The following MFN2 variants were observed in gnomAD, a reference collection of about 807,000 sequenced individuals.
MFN2 encodes the protein mitofusin-2.
In MFN2, 43 loss-of-function variants were observed where a neutral mutation model predicts 87.5. The ratio of observed to expected loss-of-function variants is 0.49; its 90% CI spans 0.38 to 0.63. The LOEUF (loss-of-function observed/expected upper bound fraction) is 0.63. Among genes scored for constraint, MFN2 ranks in the 30% least tolerant of loss-of-function variants. The pLI is 0.00. For missense variants in MFN2, 743 were observed against 972.8 expected (o/e 0.76, Z 3.14); for synonymous variants, 337 against 359.9 (o/e 0.94, Z 0.72).
intron 18 of MFN2, among the ~76,000 whole-genome samples, chr1:12,010,901 TC>T (rs1311434530): frequency 6.6e-6 from 1 of 152,106 alleles, no homozygotes; most frequent in African/African-American, 2.4e-5. Context: ...ACCCTGCACT[TC>T]CTGCCCTCGC....
At chr1:11,995,626 C>T (rs1452395696) in intron 4 of MFN2, among the ~76,000 whole-genome samples, 2 of 151,882 alleles carry the variant, frequency 1.3e-5, no homozygotes, top group Non-Finnish European at 2.9e-5. Context: ...GAGTGAGACT[C>T]TGTCTCAAAT....
At chr1:11,990,903 G>A (rs1638646623) in intron 3 of MFN2, among the ~76,000 whole-genome samples, 1 of 152,192 alleles carries the variant, frequency 6.6e-6, no homozygotes, top group Non-Finnish European at 1.5e-5. Context: ...TGTTGACTTG[G>A]TCATTTCCTT....
intron 4 of MFN2, among the ~76,000 whole-genome samples, chr1:11,992,927 C>G (rs975127951): frequency 4.6e-5 from 7 of 150,732 alleles, no homozygotes; most frequent in Non-Finnish European, 8.8e-5. Context: ...CCTGAGCCTC[C>G]TGAGCAGCTG....
chr1:12,004,783 T>C lies in MFN2; in HGVS notation c.1393-42T>C. On this transcript the variant is annotated intron_variant, in intron 13 of 18. Transcript: ENST00000235329. This position sits in a 1 kb window ranked among gnomAD's most constrained non-coding sequence, Gnocchi z 4.2. ...TGGTGGATGTGGCCTGAAGGGAATTTTGATGGACATGCTTCTCTTAACTTC... is the reference window on the plus strand; with the variant it reads ...TGGTGGATGTGGCCTGAAGGGAATTCTGATGGACATGCTTCTCTTAACTTC... The C allele has an allele frequency of 1.3e-6, 2 of 1,595,910 alleles. No individual in the cohort carries two copies. Among genetic ancestry groups the C allele is most frequent in the Non-Finnish European group, 1.7e-6 (2 of 1,164,712 alleles).
chr1:11,983,255 T>C (rs1157602923), intron 2 of MFN2, among the ~76,000 whole-genome samples: 3 of 152,146 alleles, frequency 2.0e-5, no homozygotes, highest in Non-Finnish European at 4.4e-5. Flanking sequence ...GTAGTTTTAG[T>C]AGAGATGGGG....
At position 12,006,667 on chromosome 1, in the gene MFN2, A is replaced by T. The variant is rs753132224; in HGVS notation, c.1846A>T (p.Met616Leu). 1 of 1,553,486 alleles carries T rather than the reference A, an allele frequency of 6.4e-7. No individual in the cohort carries two copies. The highest frequency in any genetic ancestry group is 8.7e-7 in the Non-Finnish European group (1 of 1,142,868). Residue 616 changes from methionine (M) to leucine (L), a missense_variant, in exon 16 of 19, where the codon ATG becomes TTG. By Grantham distance (15) the Met-to-Leu change is conservative. Around this residue, in one of 3 missense-constraint regions of MFN2, gnomAD observed 571 missense variants for 670.7 expected, o/e 0.85. Transcript: ENST00000235329. ...GLASLTSRTSMGILVVGGVVW... is the reference protein window; with the variant it reads ...GLASLTSRTSLGILVVGGVVW... ...GGCCTCCTTGACATCCAGGACCTCC[A>T]TGGGCATTCTTGTTGTTGGAGGAGT... is the stretch of plus-strand genomic sequence containing the variant.
At position 12,012,356 on chromosome 1, in the gene MFN2, G is replaced by A. The variant is rs1210703540; in HGVS notation, c.*791G>A. 1.3e-5 allele frequency: 2 copies of A among 152,418 alleles called. No homozygotes were observed. Among genetic ancestry groups the A allele is most frequent in the African/African-American group, 4.8e-5 (2 of 41,306 alleles). 9.4% of individuals were successfully genotyped at this position (152,418 alleles called of 1,614,324 possible). A position where few individuals can be genotyped will look rare whatever the true frequency, so the allele number is the denominator to read the frequency against. On this transcript the variant is annotated 3_prime_UTR_variant, in exon 19 of 19. Transcript: ENST00000235329. Reference sequence around the variant, plus strand: ...TCCTGGACTTGTGCAGGCCTGTTTTGTGTAGATCTGTTTTGGAAGATGGCA... The same window carrying A: ...TCCTGGACTTGTGCAGGCCTGTTTTATGTAGATCTGTTTTGGAAGATGGCA...
chr1:11,997,447 G>C, intron 6 of MFN2, 26 bp downstream of exon 6: 2 of 1,613,254 alleles, frequency 1.2e-6, no homozygotes, highest in Non-Finnish European at 8.5e-7. Flanking sequence ...CCTCCTAGGA[G>C]GTCCAAACTG....
intron 2 of MFN2, among the ~76,000 whole-genome samples, chr1:11,985,436 C>G (rs779776594): frequency 1.7e-4 from 24 of 145,044 alleles, no homozygotes; most frequent in South Asian, 4.5e-4. Flanking sequence ...AGTGCTATAT[C>G]ATGCCCCATC....
In MFN2 at chr1:11,996,214, T is replaced by G; in HGVS notation, c.370T>G (p.Ser124Ala). The stretch of plus-strand genomic sequence containing the variant: ...CATGCTCTGGGACAAAGTTCTGCCC[T>G]CTGGGATTGGCCACACCACCAATTG... Reference protein sequence around the residue: ...NAMLWDKVLPSGIGHTTNCFL... With the variant: ...NAMLWDKVLPAGIGHTTNCFL... Residue 124 changes from serine to alanine, a missense_variant, in exon 5 of 19, where the codon TCT (serine) becomes GCT (alanine). This residue lies in a region of MFN2 where 141 missense variants were observed against 278.9 expected (regional missense o/e 0.51). Transcript: ENST00000235329. 3 of 1,614,198 alleles carry G rather than the reference T, an allele frequency of 1.9e-6. No homozygotes were observed. In the South Asian group the frequency reaches 3.3e-5, roughly 18 times the overall value.
intron 2 of MFN2, among the ~76,000 whole-genome samples, chr1:11,987,311 CA>C (rs78088488): frequency 0.66 from 88,526 of 134,248 alleles, 28,014 homozygotes; most frequent in African/African-American, 0.69. Flanking sequence ...GACTCTGTCT[CA>C]AAAAAAAAAA....
At chr1:11,991,804 G>A (rs983978079) in intron 3 of MFN2, among the ~76,000 whole-genome samples, 19 of 149,258 alleles carry the variant, frequency 1.3e-4, no homozygotes, top group Admixed American at 3.3e-4. Flanking sequence ...GGCGCCTGTA[G>A]TCCCAGCTAC....
rs773159585 is a variant in MFN2, at chr1:11,998,877, C to T, written c.707C>T (p.Thr236Met). The T allele has an allele frequency of 1.9e-6, 3 of 1,613,866 alleles. No individual in the cohort carries two copies. Among genetic ancestry groups the T allele is most frequent in the Non-Finnish European group, 2.5e-6 (3 of 1,179,734 alleles). The change falls in exon 7 of 19, where the codon ACG (threonine) becomes ATG (methionine). Residue 236 changes from threonine to methionine, a missense_variant and splice_region_variant. Physicochemically the swap from Thr to Met is moderately conservative, Grantham distance 81 (BLOSUM62 -1). This residue lies in a region of MFN2 where 141 missense variants were observed against 278.9 expected (regional missense o/e 0.51). Transcript: ENST00000235329. ...VANSESTLMQ[T>M]EKHFFHKVSE... ...AACTCAGAGTCCACCCTGATGCAGA[C>T]GGTAACTCCTCCTCTGCCTTCTCCC...
chr1:11,994,774 C>T lies in MFN2; in HGVS notation c.312-1382C>T, dbSNP rs1638839007. Among the ~76,000 whole-genome samples the T allele has an allele frequency of 2.0e-5, 3 of 152,168 alleles. 1 individual carries two copies. In the South Asian group the frequency reaches 6.2e-4, roughly 32 times the overall value. On this transcript the variant is annotated intron_variant, in intron 4 of 18. Coordinates refer to ENST00000235329, the MANE Select transcript of MFN2 (RefSeq NM_014874.4). ...ATCCTCACCTGGGAGGTATGACCCC[C>T]TACTTAGGTGAGCTAGTGGGCTTCC...
In MFN2 at chr1:12,004,470, CT is replaced by C. The variant is rs773283337; in HGVS notation, c.1288-37del. On this transcript the variant is annotated intron_variant, in intron 12 of 18. Coordinates refer to ENST00000235329, the MANE Select transcript of MFN2 (RefSeq NM_014874.4). The surrounding 1 kb of genome is among the most constrained non-coding windows in gnomAD (Gnocchi z 4.2). ...TGGTGCTGCAGGAGTGAACTTTGGTCTTCCTTGATACTTAACAGTGTGCTTC... is the reference window on the plus strand; with the variant it reads ...TGGTGCTGCAGGAGTGAACTTTGGTCTCCTTGATACTTAACAGTGTGCTTC... The C allele has an allele frequency of 6.3e-7, 1 of 1,579,136 alleles. No homozygotes were observed. Among genetic ancestry groups the C allele is most frequent in the Non-Finnish European group, 8.7e-7 (1 of 1,148,302 alleles).
rs200354403 is a variant in MFN2, at chr1:12,007,045, C to T, written c.1873-8C>T. 40 of 1,613,196 alleles carry T rather than the reference C, an allele frequency of 2.5e-5. No individual in the cohort carries two copies. On this transcript the variant is annotated splice_polypyrimidine_tract_variant and splice_region_variant and intron_variant, in intron 16 of 18. Transcript: ENST00000235329. ...GGCTGCACTCCAGGCTGACCATGTG[C>T]TCTGCAGGTGTGGAAGGCAGTGGGC...
At chr1:11,985,055 G>A (rs1293376456) in intron 2 of MFN2, among the ~76,000 whole-genome samples, 2 of 152,164 alleles carry the variant, frequency 1.3e-5, no homozygotes, top group Admixed American at 6.6e-5. Flanking sequence ...GTATGTTTGA[G>A]GGGTGGTGGT....
intron 1 of MFN2, among the ~76,000 whole-genome samples, chr1:11,981,150 T>C (rs1645977100): frequency 6.6e-6 from 1 of 152,222 alleles, no homozygotes; most frequent in South Asian, 2.1e-4. Flanking sequence ...GGGCTCTGGT[T>C]ATCCGCCTCT....
At chr1:11,992,727 G>C in intron 4 of MFN2, 37 bp downstream of exon 4, 1 of 1,614,074 alleles carries the variant, frequency 6.2e-7, no homozygotes, top group Non-Finnish European at 8.5e-7. Context: ...CTTTCTTCCT[G>C]GCTAGGAGGG....
Sources: gnomAD v4.1 joint callset for allele counts (sites outside exome capture counted in the v4.1 genomes callset) on GRCh38, gnomAD v4.1.1 for gene constraint, gnomAD v4.1.1 regional missense constraint, Gnocchi (gnomAD v3.1) non-coding constraint, MANE v1.5 for transcripts, NCBI Gene and HGNC (gene_info 2026-07-23, HGNC 2026-07-21) for gene names.